Variants in DNAH12 observed in about 807,000 individuals in gnomAD.
The protein encoded by DNAH12 is dynein axonemal heavy chain 12.
DNAH12 carries 285 observed loss-of-function variants against 371.5 expected under a neutral mutation model. That is an observed-to-expected ratio of 0.77 (90% CI 0.70 to 0.85). The LOEUF (loss-of-function observed/expected upper bound fraction) is 0.85. Among genes scored for constraint, DNAH12 ranks in the 40% least tolerant of loss-of-function variants. The pLI is 0.00. For synonymous variants in DNAH12, 1,200 were observed against 1,213.0 expected (o/e 0.99, Z 0.22); for missense variants, 3,611 against 3,689.4 (o/e 0.98, Z 0.55).
intron 60 of DNAH12, among the ~76,000 whole-genome samples, chr3:57,341,661 T>G (rs59057447): frequency 0.2 from 29,610 of 151,736 alleles, 3,139 homozygotes; most frequent in African/African-American, 0.24. Flanking sequence ...TTAGAAAAAT[T>G]AATATTGTTA....
chr3:57,374,812 C>T (rs1327294464), intron 55 of DNAH12, among the ~76,000 whole-genome samples: 1 of 152,200 alleles, frequency 6.6e-6, no homozygotes, highest in Admixed American at 6.5e-5. Flanking sequence ...CATTATGATT[C>T]CTTTATATGA....
At chr3:57,520,528 C>T (rs1390991346) in intron 4 of DNAH12, among the ~76,000 whole-genome samples, 5 of 150,816 alleles carry the variant, frequency 3.3e-5, no homozygotes, top group African/African-American at 4.9e-5. Flanking sequence ...CTGCAAGCTC[C>T]GCCTCCCGGG....
At chr3:57,294,845 CATAGTT>C (rs1244708830) in intron 73 of DNAH12, among the ~76,000 whole-genome samples, 1 of 152,162 alleles carries the variant, frequency 6.6e-6, no homozygotes, top group African/African-American at 2.4e-5. Context: ...TCACGTTTCT[CATAGTT>C]ATAACTGAAC....
chr3:57,351,622 A>G (rs1029433615), intron 60 of DNAH12, among the ~76,000 whole-genome samples: 1 of 152,222 alleles, frequency 6.6e-6, no homozygotes, highest in Non-Finnish European at 1.5e-5. Context: ...GATGAATCTC[A>G]AAAGTAATGT....
intron 37 of DNAH12, among the ~76,000 whole-genome samples, chr3:57,419,115 T>C (rs2064483600): frequency 6.6e-6 from 1 of 152,206 alleles, no homozygotes; most frequent in Non-Finnish European, 1.5e-5. Context: ...TTCAGTGTGC[T>C]GTTACAAATC....
At chr3:57,335,983 GTCT>G (rs1304437489) in intron 60 of DNAH12, among the ~76,000 whole-genome samples, 1 of 152,180 alleles carries the variant, frequency 6.6e-6, no homozygotes, top group Admixed American at 6.5e-5. Context: ...AACACAAGTC[GTCT>G]TCTTTTTTTT....
chr3:57,308,384 C>A (rs1045854663), intron 69 of DNAH12, among the ~76,000 whole-genome samples: 1 of 152,164 alleles, frequency 6.6e-6, no homozygotes, highest in Non-Finnish European at 1.5e-5. Flanking sequence ...AGCTCAGCCA[C>A]CAACTTAAAA....
intron 58 of DNAH12, among the ~76,000 whole-genome samples, chr3:57,362,819 GC>G (rs2062966506): frequency 6.6e-6 from 1 of 152,138 alleles, no homozygotes. Context: ...TCTGTAGGTT[GC>G]CTGTTCACTC....
chr3:57,490,197 G>A (rs1467596443), intron 11 of DNAH12, among the ~76,000 whole-genome samples: 5 of 152,110 alleles, frequency 3.3e-5, no homozygotes, highest in Admixed American at 6.6e-5. Context: ...CAGGCATGAT[G>A]GTTTGAGCCT....
Position 57,509,230 on chromosome 3 carries a change from A to G in DNAH12, c.470-18T>C, listed in dbSNP as rs757317197. 3 of 1,595,958 alleles carry G rather than the reference A, an allele frequency of 1.9e-6. No homozygotes were observed. Among genetic ancestry groups the G allele is most frequent in the East Asian group, 4.5e-5 (2 of 44,772 alleles). Reference sequence around the variant, plus strand: ...GCTCTGCACTAAAATACATGGATATATTAATGCTTCTTGAAAATCTCTGCA... The same window carrying G: ...GCTCTGCACTAAAATACATGGATATGTTAATGCTTCTTGAAAATCTCTGCA... On this transcript the variant is annotated intron_variant, in intron 5 of 73. Transcript: ENST00000495027.
At chr3:57,301,589 C>A in intron 70 of DNAH12, 146 bp downstream of exon 70, 1 of 889,156 alleles carries the variant, frequency 1.1e-6, no homozygotes, top group Non-Finnish European at 1.7e-6. Context: ...CTCAAGTGAC[C>A]ACAGCCAACA....
chr3:57,461,274 T>A (rs570335029), intron 19 of DNAH12, among the ~76,000 whole-genome samples: 6 of 152,312 alleles, frequency 3.9e-5, no homozygotes, highest in African/African-American at 1.4e-4. Context: ...ATTTTTCTTT[T>A]AAAAATCATT....
chr3:57,370,438 C>T (rs1444397382), intron 55 of DNAH12, among the ~76,000 whole-genome samples: 4 of 152,170 alleles, frequency 2.6e-5, no homozygotes, highest in Admixed American at 6.5e-5. Context: ...AGGTCAAATA[C>T]GTTACCAAAA....
chr3:57,456,650 A>G (rs1031972915), intron 22 of DNAH12, among the ~76,000 whole-genome samples: 1 of 152,192 alleles, frequency 6.6e-6, no homozygotes, highest in African/African-American at 2.4e-5. Flanking sequence ...TCTGAAGAGA[A>G]CTGTCCTACA....
chr3:57,406,253 AG>A, intron 40 of DNAH12, among the ~76,000 whole-genome samples: 1 of 150,774 alleles, frequency 6.6e-6, no homozygotes, highest in East Asian at 2.0e-4. Context: ...CAGGAGGCTG[AG>A]GCAGGAGAAT....
At chr3:57,396,812 T>C (rs2063751444) in intron 43 of DNAH12, among the ~76,000 whole-genome samples, 1 of 152,168 alleles carries the variant, frequency 6.6e-6, no homozygotes, top group South Asian at 2.1e-4. Flanking sequence ...CCTCAGGTGA[T>C]CCGAGACCAA....
intron 43 of DNAH12, among the ~76,000 whole-genome samples, chr3:57,402,195 T>G (rs1553679047): frequency 1.3e-5 from 2 of 152,250 alleles, no homozygotes; most frequent in Non-Finnish European, 2.9e-5. Context: ...GCTTGGATTC[T>G]ACCATTTCCG....
chr3:57,302,563 A>ATTT (rs2061379444), intron 69 of DNAH12, among the ~76,000 whole-genome samples: 3 of 41,670 alleles, frequency 7.2e-5, no homozygotes, highest in Non-Finnish European at 9.4e-5. Context: ...ATATATATAT[A>ATTT]TGTATTTTTT....
chr3:57,521,552 C>G (rs1017183270), intron 4 of DNAH12, among the ~76,000 whole-genome samples: 1 of 152,080 alleles, frequency 6.6e-6, no homozygotes, highest in Non-Finnish European at 1.5e-5. Flanking sequence ...GCGTCTATTT[C>G]TAGGTCATCT....
Sources: gnomAD v4.1 joint callset for allele counts (sites outside exome capture counted in the v4.1 genomes callset) on GRCh38, gnomAD v4.1.1 for gene constraint, MANE v1.5 for transcripts, NCBI Gene and HGNC (gene_info 2026-07-23, HGNC 2026-07-21) for gene names.